Variants in APBB1 observed in about 807,000 individuals in gnomAD.
The protein encoded by APBB1 is adaptor protein FE65a2.
Under a neutral mutation model 78.4 loss-of-function variants are expected in APBB1, and 22 were observed. The ratio of observed to expected loss-of-function variants is 0.28; its 90% CI spans 0.20 to 0.40. The LOEUF is 0.40. APBB1 is among the 10% of genes least tolerant of loss of function. The probability of loss-of-function intolerance (pLI) is 1.00; values close to 1 mark genes in which losing one functional copy is unlikely to be tolerated. For missense variants in APBB1, 749 were observed against 932.4 expected (o/e 0.80, Z 2.56); for synonymous variants, 369 against 372.7 (o/e 0.99, Z 0.12).
intron 2 of APBB1, among the ~76,000 whole-genome samples, chr11:6,408,237 G>A (rs866663463): frequency 6.6e-6 from 1 of 152,132 alleles, no homozygotes; most frequent in Non-Finnish European, 1.5e-5. Flanking sequence ...GAGAGAGTCT[G>A]AAAAATCCAA....
In APBB1 at chr11:6,403,876, G is replaced by A; in HGVS notation, c.722-54C>T. ...AGCCTACCCAAAGAGCAGACAGCTG[G>A]TGCCTATGCCCGGTCCCCTCTGAGA... is the stretch of plus-strand genomic sequence containing the variant. On this transcript the variant is annotated intron_variant, in intron 2 of 14. Transcript: ENST00000609360. The surrounding 1 kb of genome is among the most constrained non-coding windows in gnomAD (Gnocchi z 5.3). The A allele has an allele frequency of 4.0e-6, 6 of 1,513,402 alleles. No homozygotes were observed. The highest frequency in any genetic ancestry group is 5.3e-6 in the Non-Finnish European group (6 of 1,129,708). The allele number at this position is 1,513,402 out of a possible 1,614,324, so 93.7% of individuals were successfully genotyped here.
chr11:6,419,072 C>G lies in APBB1; in HGVS notation c.-102G>C. 1 of 389,412 alleles carries G rather than the reference C, an allele frequency of 2.6e-6. No homozygotes were observed. Among genetic ancestry groups the G allele is most frequent in the Non-Finnish European group, 4.5e-6 (1 of 219,992 alleles). The allele number at this position is 389,412 out of a possible 1,614,324, so 24.1% of individuals were successfully genotyped here. Reference sequence around the variant, plus strand: ...GCCGCGGCTTCTCCATCACAACATCCCCCGCCCAGGAGCGCGCGGGCCGCG... The same window carrying G: ...GCCGCGGCTTCTCCATCACAACATCGCCCGCCCAGGAGCGCGCGGGCCGCG... On this transcript the variant is annotated 5_prime_UTR_variant, in exon 1 of 15. Transcript: ENST00000609360.
chr11:6,410,378 A>G (rs1429414661), intron 2 of APBB1, among the ~76,000 whole-genome samples: 4 of 152,250 alleles, frequency 2.6e-5, no homozygotes, highest in African/African-American at 4.8e-5. Context: ...GTCAGTGCCC[A>G]GTAAACTAGT....
intron 12 of APBB1, chr11:6,396,517 A>G: frequency 5.7e-6 from 2 of 353,862 alleles, no homozygotes; most frequent in Non-Finnish European, 1.0e-5. Context: ...ATTTCCCCAA[A>G]TCATGCTCTC....
upstream of APBB1, chr11:6,419,356 C>G (rs1021180629): frequency 9.8e-6 from 2 of 204,766 alleles, no homozygotes; most frequent in Non-Finnish European, 1.9e-5. Context: ...CCTGCGCGCC[C>G]CGCAGCGCCC....
chr11:6,401,304 C>T lies in APBB1; in HGVS notation c.1588+41G>A. The T allele has an allele frequency of 6.2e-7, 1 of 1,614,078 alleles. No homozygotes were observed. The highest frequency in any genetic ancestry group is 8.5e-7 in the Non-Finnish European group (1 of 1,179,998). Reference sequence around the variant, plus strand: ...CTTTCCTTGGGTCACCCACCTTTGCCAACAAAGCTGAGCTGGACCTGGAGG... The same window carrying T: ...CTTTCCTTGGGTCACCCACCTTTGCTAACAAAGCTGAGCTGGACCTGGAGG... On this transcript the variant is annotated intron_variant, in intron 11 of 14. Coordinates refer to ENST00000609360, the MANE Select transcript of APBB1 (RefSeq NM_001164.5). This position sits in a 1 kb window ranked among gnomAD's most constrained non-coding sequence, Gnocchi z 4.5.
chr11:6,413,104 C>T (rs887598562), intron 1 of APBB1, among the ~76,000 whole-genome samples: 1 of 152,006 alleles, frequency 6.6e-6, no homozygotes, highest in African/African-American at 2.4e-5. Flanking sequence ...GTGCTCTCTC[C>T]CTGGACCCTC....
At chr11:6,412,893 C>T (rs933168995) in intron 1 of APBB1, among the ~76,000 whole-genome samples, 9 of 152,142 alleles carry the variant, frequency 5.9e-5, no homozygotes, top group Non-Finnish European at 1.0e-4. Context: ...CGTCCTGTTC[C>T]GCAAGGACAG....
chr11:6,407,934 C>T (rs908735311), intron 2 of APBB1, among the ~76,000 whole-genome samples: 1 of 151,888 alleles, frequency 6.6e-6, no homozygotes, highest in East Asian at 1.9e-4. Flanking sequence ...CGCCCGCCAC[C>T]GCGCCCGGCT....
chr11:6,396,932 T>A (rs545611640), intron 12 of APBB1, among the ~76,000 whole-genome samples: 1 of 152,238 alleles, frequency 6.6e-6, no homozygotes, highest in East Asian at 1.9e-4. Context: ...AGAATGTCTA[T>A]AATGTGCTCA....
At chr11:6,408,322 G>A (rs11040888) in intron 2 of APBB1, among the ~76,000 whole-genome samples, 47,031 of 151,766 alleles carry the variant, frequency 0.31, 7,660 homozygotes, top group African/African-American at 0.4. Context: ...CAACAACAAC[G>A]AAAAAAATAG....
rs772269224 is a variant in APBB1 at position 6,410,829 on chromosome 11, T to C, written c.519A>G (p.Leu173=). The C allele has an allele frequency of 1.9e-6, 3 of 1,613,830 alleles. No homozygotes were observed. The highest frequency in any genetic ancestry group is 2.5e-6 in the Non-Finnish European group (3 of 1,179,852). ...GCTCAGGCAGCCCTGGGGGAGAAGATAAGTCCTCCTCCTCCTCTTCATCAT... is the reference window on the plus strand; with the variant it reads ...GCTCAGGCAGCCCTGGGGGAGAAGACAAGTCCTCCTCCTCCTCTTCATCAT... The part of the protein sequence containing the change: ...DDDDEEEEED[L]SSPPGLPEPL... The change falls in exon 2 of 15, where the codon TTA becomes TTG. Residue 173 remains leucine (L), a synonymous_variant. Coordinates refer to ENST00000609360, the MANE Select transcript of APBB1 (RefSeq NM_001164.5).
chr11:6,410,295 A>G (rs752473350), intron 2 of APBB1, among the ~76,000 whole-genome samples: 12 of 152,168 alleles, frequency 7.9e-5, no homozygotes, highest in Non-Finnish European at 1.8e-4. Flanking sequence ...TATGGGAATC[A>G]TCATAATATT....
intron 2 of APBB1, among the ~76,000 whole-genome samples, chr11:6,408,712 C>T (rs181750156): frequency 2.6e-5 from 4 of 152,276 alleles, no homozygotes; most frequent in Admixed American, 2.6e-4. Flanking sequence ...CCATGTTGGC[C>T]AGGCTGATCT....
In APBB1 at chr11:6,403,580, T is replaced by C. The variant is rs1848647250; in HGVS notation, c.898-36A>G. On this transcript the variant is annotated intron_variant, in intron 3 of 14. Transcript: ENST00000609360. The surrounding 1 kb of genome is among the most constrained non-coding windows in gnomAD (Gnocchi z 5.3). ...GGATGGGAGTAGTGAGTGAGTGTCC[T>C]ATCCTACTCCAGCAGCACACACTCC... 1.2e-6 allele frequency: 2 copies of C among 1,613,628 alleles called. No homozygotes were observed. Among genetic ancestry groups the C allele is most frequent in the African/African-American group, 1.3e-5 (1 of 75,038 alleles).
chr11:6,405,388 T>C, intron 2 of APBB1: 1 of 987,086 alleles, frequency 1.0e-6, no homozygotes, highest in Non-Finnish European at 1.2e-6. Flanking sequence ...ACCCCTCACC[T>C]GCCAGGGCCC....
intron 1 of APBB1, among the ~76,000 whole-genome samples, chr11:6,413,696 C>G (rs1158606046): frequency 1.3e-5 from 2 of 151,908 alleles, no homozygotes; most frequent in African/African-American, 4.8e-5. Context: ...GTCTCAAACT[C>G]CTGACCTCAG....
intron 2 of APBB1, chr11:6,405,247 G>C: frequency 9.9e-7 from 1 of 1,012,872 alleles, no homozygotes; most frequent in Non-Finnish European, 1.2e-6. Flanking sequence ...AATAGGGTGT[G>C]GTTTCAAGGC....
chr11:6,405,338 A>G, intron 2 of APBB1: 2 of 986,854 alleles, frequency 2.0e-6, no homozygotes, highest in Non-Finnish European at 2.4e-6. Flanking sequence ...AGCCCCAGCA[A>G]GCTTGAGGCT....
Sources: allele counts gnomAD v4.1 joint callset (sites outside exome capture counted in the v4.1 genomes callset), GRCh38; gene constraint gnomAD v4.1.1; non-coding constraint Gnocchi (gnomAD v3.1); transcripts MANE v1.5; gene names NCBI Gene and HGNC (gene_info 2026-07-23, HGNC 2026-07-21).